The following PTCD2 variants were observed in gnomAD, a reference collection of about 807,000 sequenced individuals.
The protein encoded by PTCD2 is pentatricopeptide repeat domain 2.
A neutral mutation model predicts 42.6 loss-of-function variants in PTCD2; 31 were observed. That is an observed-to-expected ratio of 0.73 (90% CI 0.55 to 0.98). PTCD2 has a LOEUF of 0.98. Ranked by LOEUF, PTCD2 falls within the 50% of genes least tolerant of loss-of-function variation. The pLI is 0.00. For missense variants in PTCD2, 476 were observed against 454.8 expected, an observed-to-expected ratio of 1.05 and a Z score of -0.42; for synonymous variants, 183 against 170.9, an observed-to-expected ratio of 1.07 and a Z score of -0.55.
Position 72,366,245 on chromosome 5 carries a change from C to T in PTCD2, c.*7818C>T, listed in dbSNP as rs1353512293. ...TAATAATAATAATAATAAGACTTAC[C>T]ATTTGCCAGGTCCTGTGCAAAGCAC... On this transcript the variant is annotated 3_prime_UTR_variant, in exon 10 of 10. Transcript: ENST00000380639. The T allele has an allele frequency of 1.3e-5, 2 of 152,108 alleles. No individual in the cohort carries two copies. The highest frequency in any genetic ancestry group is 1.3e-4 in the Admixed American group (2 of 15,266). 9.4% of individuals were successfully genotyped at this position (152,108 alleles called of 1,614,324 possible). A position where few individuals can be genotyped will look rare whatever the true frequency, so the allele number is the denominator to read the frequency against.
rs917589380 is a variant in PTCD2, at chr5:72,367,617, A to G, written c.*9190A>G. ...ATGTCTGTGATTTACCTCACTTATC[A>G]AATGAAAAAAACCCAAAACACCTGG... On this transcript the variant is annotated 3_prime_UTR_variant, in exon 10 of 10. Transcript: ENST00000380639. 5.3e-5 allele frequency: 8 copies of G among 152,184 alleles called. No homozygotes were observed. Among genetic ancestry groups the G allele is most frequent in the African/African-American group, 1.9e-4 (8 of 41,440 alleles). The allele number at this position is 152,184 out of a possible 1,614,324, so 9.4% of individuals were successfully genotyped here.
chr5:72,361,725 G>A lies in PTCD2; in HGVS notation c.*3298G>A, dbSNP rs78673820. 8,167 of 152,306 alleles carry A rather than the reference G, an allele frequency of 0.054. 719 individuals carry two copies. The highest frequency in any genetic ancestry group is 0.18 in the African/African-American group (7,660 of 41,474). 9.4% of individuals were successfully genotyped at this position (152,306 alleles called of 1,614,324 possible). ...GATAAAGCTCAGGCTCTTCAACATG[G>A]TTTAGAAGGTCCTTCCTAATCTGGC... On this transcript the variant is annotated 3_prime_UTR_variant, in exon 10 of 10. Coordinates refer to ENST00000380639, the MANE Select transcript of PTCD2 (RefSeq NM_024754.5).
rs766589502 is a variant in PTCD2, at chr5:72,359,322, A to G, written c.*895A>G. ...AGCAGTTCAAAGCTGCTTCATACTT[A>G]TGGTCTCAAATATAGTATGTGTTGA... On this transcript the variant is annotated 3_prime_UTR_variant, in exon 10 of 10. Coordinates refer to ENST00000380639, the MANE Select transcript of PTCD2 (RefSeq NM_024754.5). 3 of 152,182 alleles carry G rather than the reference A, an allele frequency of 2.0e-5. No individual in the cohort carries two copies. Among genetic ancestry groups the G allele is most frequent in the Non-Finnish European group, 2.9e-5 (2 of 68,032 alleles). 9.4% of individuals were successfully genotyped at this position (152,182 alleles called of 1,614,324 possible).
chr5:72,328,052 A>G (rs568259002), intron 3 of PTCD2, among the ~76,000 whole-genome samples: 2 of 152,332 alleles, frequency 1.3e-5, no homozygotes, highest in East Asian at 3.8e-4. Flanking sequence ...ATTGAAAAAC[A>G]CCAAAAAGTA....
In PTCD2 at chr5:72,320,425, C is replaced by G. The variant is rs755116275; in HGVS notation, c.43C>G (p.Arg15Gly). ...GGCTGCTGCATTTCGGCCCTCGAAT[C>G]GAGTTCTCCTGCAGGCGCTGCAGAT... is the stretch of plus-strand genomic sequence containing the variant. ...SMAAAFRPSN[R>G]VLLQALQILV... is the part of the protein sequence containing the mutation. Residue 15 changes from arginine to glycine, a missense_variant, in exon 1 of 10, where the codon CGA becomes GGA. Coordinates refer to ENST00000380639, the MANE Select transcript of PTCD2 (RefSeq NM_024754.5). 4 of 1,614,174 alleles carry G rather than the reference C, an allele frequency of 2.5e-6. No homozygotes were observed. Among genetic ancestry groups the G allele is most frequent in the Middle Eastern group, 1.6e-4 (1 of 6,062 alleles).
Position 72,366,817 on chromosome 5 carries a change from G to A in PTCD2, c.*8390G>A, listed in dbSNP as rs1314494343. On this transcript the variant is annotated 3_prime_UTR_variant, in exon 10 of 10. Transcript: ENST00000380639. ...TGTAAGTATCATGCAATGTGTCCAT[G>A]TGCGTGTACACGTGAGCACACATGC... The A allele has an allele frequency of 6.6e-6, 1 of 152,246 alleles. No homozygotes were observed. 9.4% of individuals were successfully genotyped at this position (152,246 alleles called of 1,614,324 possible).
At chr5:72,337,304 T>G (rs1201490861) in intron 6 of PTCD2, among the ~76,000 whole-genome samples, 2 of 152,090 alleles carry the variant, frequency 1.3e-5, no homozygotes, top group Non-Finnish European at 2.9e-5. Context: ...TAGGCTACAT[T>G]TAGCCCAAGG....
intron 9 of PTCD2, among the ~76,000 whole-genome samples, chr5:72,355,270 G>A (rs1752817965): frequency 6.6e-6 from 1 of 151,986 alleles, no homozygotes; most frequent in Admixed American, 6.6e-5. Flanking sequence ...ATGTTTCACC[G>A]CAGAAAAAGA....
chr5:72,343,330 G>C (rs1324522145), intron 8 of PTCD2, among the ~76,000 whole-genome samples: 2 of 152,166 alleles, frequency 1.3e-5, no homozygotes, highest in African/African-American at 4.8e-5. Context: ...GGCTAAGAAA[G>C]CTGTAGATGT....
At chr5:72,349,917 T>A (rs929454029) in intron 8 of PTCD2, among the ~76,000 whole-genome samples, 1 of 152,194 alleles carries the variant, frequency 6.6e-6, no homozygotes, top group Non-Finnish European at 1.5e-5. Context: ...TCAGAAATAG[T>A]TGCTGGAGGG....
At position 72,352,773 on chromosome 5, in the gene PTCD2, C is replaced by A; in HGVS notation, c.942+19C>A. 1 of 1,208,048 alleles carries A rather than the reference C, an allele frequency of 8.3e-7. No individual in the cohort carries two copies. Among genetic ancestry groups the A allele is most frequent in the Non-Finnish European group, 1.2e-6 (1 of 821,118 alleles). The allele number at this position is 1,208,048 out of a possible 1,614,324, so 74.8% of individuals were successfully genotyped here. A position where few individuals can be genotyped will look rare whatever the true frequency, so the allele number is the denominator to read the frequency against. On this transcript the variant is annotated intron_variant, in intron 9 of 9. Coordinates refer to ENST00000380639, the MANE Select transcript of PTCD2 (RefSeq NM_024754.5). ...GGAAGTGGTGAGTATGCAAGTGCTG[C>A]AGAAATCATTTAAAAGTGAAAGGAC...
chr5:72,352,681 T>A lies in PTCD2; in HGVS notation c.869T>A (p.Ile290Lys). 1 of 1,601,710 alleles carries A rather than the reference T, an allele frequency of 6.2e-7. No homozygotes were observed. The highest frequency in any genetic ancestry group is 8.6e-7 in the Non-Finnish European group (1 of 1,169,156). Residue 290 changes from isoleucine to lysine, a missense_variant, in exon 9 of 10, where the codon ATA becomes AAA. By Grantham distance (102) the Ile-to-Lys change is moderately radical. Transcript: ENST00000380639. ...HIQSNMLENL[I>K]KTLKNAAEGN... ...CAGTCAAATATGTTGGAAAACCTGA[T>A]AAAGACTCTAAAAAATGCTGCAGAA...
At chr5:72,343,724 C>T (rs17377041) in intron 8 of PTCD2, among the ~76,000 whole-genome samples, 35,559 of 151,994 alleles carry the variant, frequency 0.23, 5,320 homozygotes, top group Non-Finnish European at 0.34. Flanking sequence ...ACCAGATTCA[C>T]GCTAATAATA....
At chr5:72,341,085 T>C (rs573983251) in intron 7 of PTCD2, among the ~76,000 whole-genome samples, 19 of 151,906 alleles carry the variant, frequency 1.3e-4, no homozygotes, top group Non-Finnish European at 2.5e-4. Context: ...CTGCCTCAGC[T>C]TCCTGAGTAG....
chr5:72,345,341 G>A (rs888600968), intron 8 of PTCD2, among the ~76,000 whole-genome samples: 1 of 152,188 alleles, frequency 6.6e-6, no homozygotes, highest in South Asian at 2.1e-4. Flanking sequence ...CTGTTATCCT[G>A]TTCTTTTTTC....
chr5:72,330,952 G>A (rs907282392), intron 3 of PTCD2, among the ~76,000 whole-genome samples: 11 of 152,154 alleles, frequency 7.2e-5, no homozygotes, highest in East Asian at 1.9e-4. Flanking sequence ...GTTTCTTAAG[G>A]TGTGCTCACA....
intron 3 of PTCD2, among the ~76,000 whole-genome samples, chr5:72,329,936 CT>C (rs71614471): frequency 1.4e-3 from 203 of 143,154 alleles, no homozygotes; most frequent in Middle Eastern, 3.6e-3. Flanking sequence ...TTTATAACTT[CT>C]TTTTTTTTTT....
rs1230660772 is a variant in PTCD2 at position 72,322,104 on chromosome 5, A to G, written c.128-68A>G. On this transcript the variant is annotated intron_variant, in intron 1 of 9. Coordinates refer to ENST00000380639, the MANE Select transcript of PTCD2 (RefSeq NM_024754.5). ...TAGATGTTAGAGGTAATCCAGCTCTATTCATGTTATTTGCTAACTTCTAAA... is the reference window on the plus strand; with the variant it reads ...TAGATGTTAGAGGTAATCCAGCTCTGTTCATGTTATTTGCTAACTTCTAAA... 8 of 794,038 alleles carry G rather than the reference A, an allele frequency of 1.0e-5. No individual in the cohort carries two copies. In the East Asian group the frequency reaches 2.0e-4, roughly 20 times the overall value. The allele number at this position is 794,038 out of a possible 1,614,324, so 49.2% of individuals were successfully genotyped here. A position where few individuals can be genotyped will look rare whatever the true frequency, so the allele number is the denominator to read the frequency against.
rs567532108 is a variant in PTCD2, at chr5:72,365,339, T to A, written c.*6912T>A. ...TCCCTTGTCTTCCCTGATTCCTTTT[T>A]CCTGACTGAATCAGGCCAAGATGCT... On this transcript the variant is annotated 3_prime_UTR_variant, in exon 10 of 10. Transcript: ENST00000380639. 1 of 152,208 alleles carries A rather than the reference T, an allele frequency of 6.6e-6. No individual in the cohort carries two copies. Among genetic ancestry groups the A allele is most frequent in the Non-Finnish European group, 1.5e-5 (1 of 68,064 alleles). The allele number at this position is 152,208 out of a possible 1,614,324, so 9.4% of individuals were successfully genotyped here. A position where few individuals can be genotyped will look rare whatever the true frequency, so the allele number is the denominator to read the frequency against.
Sources: allele counts gnomAD v4.1 joint callset (sites outside exome capture counted in the v4.1 genomes callset), GRCh38; gene constraint gnomAD v4.1.1; transcripts MANE v1.5; gene names NCBI Gene and HGNC (gene_info 2026-07-23, HGNC 2026-07-21).